FANCC: variants seen among roughly 807,000 people sequenced by gnomAD.
FANCC encodes Fanconi anemia group C protein.
Under a neutral mutation model 71.3 loss-of-function variants are expected in FANCC, and 55 were observed. The observed-to-expected ratio is 0.77, with a 90% CI of 0.62 to 0.97. The LOEUF (loss-of-function observed/expected upper bound fraction) is 0.97, where lower values mean the gene tolerates loss of function less well. Among genes scored for constraint, FANCC ranks in the 50% least tolerant of loss-of-function variants. FANCC has a pLI of 0.00. For missense variants in FANCC, 678 were observed against 670.9 expected, an observed-to-expected ratio of 1.01 and a Z score of -0.12; for synonymous variants, 275 against 244.9, an observed-to-expected ratio of 1.12 and a Z score of -1.15.
At chr9:95,266,321 G>A (rs2136194446) in intron 1 of FANCC, among the ~76,000 whole-genome samples, 1 of 152,162 alleles carries the variant, frequency 6.6e-6, no homozygotes. Context: ...AATTAATTCA[G>A]CGTGATCAAT....
chr9:95,314,855 T>C (rs967473215), intron 1 of FANCC, among the ~76,000 whole-genome samples: 1 of 152,130 alleles, frequency 6.6e-6, no homozygotes, highest in Non-Finnish European at 1.5e-5. Context: ...TCCATGTTCA[T>C]GATGAGATGG....
Position 95,126,522 on chromosome 9 carries a change from C to T in FANCC, c.896+7G>A, listed in dbSNP as rs1554833182. 2 of 1,613,458 alleles carry T rather than the reference C, an allele frequency of 1.2e-6. No homozygotes were observed. Among genetic ancestry groups the T allele is most frequent in the Non-Finnish European group, 1.7e-6 (2 of 1,179,486 alleles). ...TCAATTACTAGAAGAAACAGTGTAA[C>T]GTTTACCTGAACATCTCATCAACAA... is the stretch of plus-strand genomic sequence containing the variant. On this transcript the variant is annotated splice_region_variant and intron_variant, in intron 9 of 14. Transcript: ENST00000289081.
At chr9:95,243,469 T>C (rs1244654091) in intron 3 of FANCC, among the ~76,000 whole-genome samples, 1 of 152,122 alleles carries the variant, frequency 6.6e-6, no homozygotes, top group Admixed American at 6.5e-5. Flanking sequence ...TGATGAAAAT[T>C]GTTTGCTTTT....
intron 4 of FANCC, among the ~76,000 whole-genome samples, chr9:95,182,886 AG>A (rs1826464472): frequency 6.6e-6 from 1 of 152,066 alleles, no homozygotes. Flanking sequence ...TCGCTGGGAC[AG>A]GGGAAGGTGA....
intron 9 of FANCC, among the ~76,000 whole-genome samples, chr9:95,126,143 TCTTTAG>T (rs1825943341): frequency 6.6e-6 from 1 of 152,248 alleles, no homozygotes; most frequent in South Asian, 2.1e-4. Context: ...TTCTTGGCTT[TCTTTAG>T]CTTTAAAGTC....
chr9:95,203,378 CAAAAAA>C (rs55960295), intron 4 of FANCC, among the ~76,000 whole-genome samples: 2 of 104,672 alleles, frequency 1.9e-5, no homozygotes, highest in Non-Finnish European at 3.7e-5. Context: ...GACCCTGTCT[CAAAAAA>C]AAAAAAAAAA....
intron 4 of FANCC, among the ~76,000 whole-genome samples, chr9:95,183,938 T>C (rs911570911): frequency 6.6e-6 from 1 of 152,228 alleles, no homozygotes; most frequent in Non-Finnish European, 1.5e-5. Context: ...TCAATTATTT[T>C]TGGCCCACCA....
intron 1 of FANCC, among the ~76,000 whole-genome samples, chr9:95,254,538 C>T (rs1831542248): frequency 6.6e-6 from 1 of 152,232 alleles, no homozygotes; most frequent in South Asian, 2.1e-4. Context: ...AGGAATGGTG[C>T]ATTCCAGCAC....
intron 1 of FANCC, among the ~76,000 whole-genome samples, chr9:95,313,448 C>G (rs1341013783): frequency 1.3e-5 from 2 of 152,188 alleles, no homozygotes; most frequent in African/African-American, 4.8e-5. Flanking sequence ...AGAAGTCACA[C>G]GCATGCGTGC....
intron 13 of FANCC, 48 bp downstream of exon 13, chr9:95,111,415 G>GC (rs1436817335): frequency 1.9e-6 from 3 of 1,599,748 alleles, no homozygotes; most frequent in Non-Finnish European, 1.7e-6. Flanking sequence ...GCTCCTCTCA[G>GC]CCCCCCAGAG....
In FANCC at chr9:95,099,547, C is replaced by T. The variant is rs527422632; in HGVS notation, c.*2160G>A. The T allele has an allele frequency of 2.6e-5, 6 of 230,546 alleles. No homozygotes were observed. Among genetic ancestry groups the T allele is most frequent in the African/African-American group, 8.9e-5 (4 of 45,144 alleles). 14.3% of individuals were successfully genotyped at this position (230,546 alleles called of 1,614,324 possible). A position where few individuals can be genotyped will look rare whatever the true frequency, so the allele number is the denominator to read the frequency against. ...GTGGGCTTAAGAGTGCCTGCCCGGCCGCCACCTGTCTTGGAGGTGGAGGGA... is the reference window on the plus strand; with the variant it reads ...GTGGGCTTAAGAGTGCCTGCCCGGCTGCCACCTGTCTTGGAGGTGGAGGGA... On this transcript the variant is annotated 3_prime_UTR_variant, in exon 15 of 15. Coordinates refer to ENST00000289081, the MANE Select transcript of FANCC (RefSeq NM_000136.3).
intron 4 of FANCC, among the ~76,000 whole-genome samples, chr9:95,224,838 A>C (rs1005059617): frequency 6.6e-6 from 1 of 152,156 alleles, no homozygotes; most frequent in Non-Finnish European, 1.5e-5. Flanking sequence ...TTGTAGTTTC[A>C]GCTGAACTAC....
At chr9:95,218,514 G>GT in intron 4 of FANCC, among the ~76,000 whole-genome samples, 1 of 152,240 alleles carries the variant, frequency 6.6e-6, no homozygotes, top group Admixed American at 6.5e-5. Context: ...CAAAGACACT[G>GT]TAAGAAAACA....
chr9:95,206,532 C>T (rs1487741396), intron 4 of FANCC, among the ~76,000 whole-genome samples: 2 of 152,152 alleles, frequency 1.3e-5, no homozygotes, highest in African/African-American at 2.4e-5. Flanking sequence ...AAAAACTGGA[C>T]ACTTTTAACA....
At chr9:95,246,605 T>C (rs1249103795) in intron 3 of FANCC, among the ~76,000 whole-genome samples, 1 of 152,132 alleles carries the variant, frequency 6.6e-6, no homozygotes. Context: ...AAAACCATGG[T>C]TCCTGTTCTC....
Position 95,252,895 on chromosome 9 carries a change from A to T in FANCC, c.-78-3526T>A, listed in dbSNP as rs1253914912. On this transcript the variant is annotated intron_variant, in intron 1 of 14. Coordinates refer to ENST00000289081, the MANE Select transcript of FANCC (RefSeq NM_000136.3). ...AAGACCCCATCTCTAAAAAAAAAAA[A>T]TTTTTTTTTTTAATTAGCCATGCAT... Among the ~76,000 whole-genome samples, 37 of 148,006 alleles carry T rather than the reference A, an allele frequency of 2.5e-4. No individual in the cohort carries two copies. The South Asian group carries it at 3.7e-3, about 15-fold the overall frequency.
Position 95,099,965 on chromosome 9 carries a change from G to A in FANCC, c.*1742C>T, listed in dbSNP as rs929688949. On this transcript the variant is annotated 3_prime_UTR_variant, in exon 15 of 15. Transcript: ENST00000289081. ...AGGACAGGGTGGAGGACTGTCCCAG[G>A]AGTCCCTCCACAACAGGAGGCCTGG... 5.2e-5 allele frequency: 12 copies of A among 232,388 alleles called. No homozygotes were observed. The highest frequency in any genetic ancestry group is 1.0e-4 in the Non-Finnish European group (12 of 117,598). The allele number at this position is 232,388 out of a possible 1,614,324, so 14.4% of individuals were successfully genotyped here. A position where few individuals can be genotyped will look rare whatever the true frequency, so the allele number is the denominator to read the frequency against.
At chr9:95,166,288 T>C (rs750973215) in intron 6 of FANCC, among the ~76,000 whole-genome samples, 6 of 152,120 alleles carry the variant, frequency 3.9e-5, no homozygotes, top group African/African-American at 1.4e-4. Flanking sequence ...CTAGTAGTTA[T>C]TCTGTTCACG....
At chr9:95,241,032 G>C (rs1430531723) in intron 3 of FANCC, among the ~76,000 whole-genome samples, 1 of 152,146 alleles carries the variant, frequency 6.6e-6, no homozygotes, top group Admixed American at 6.5e-5. Flanking sequence ...TAACTCTTGT[G>C]TGGTCAATTT....
Sources: gnomAD v4.1 joint callset for allele counts (sites outside exome capture counted in the v4.1 genomes callset) on GRCh38, gnomAD v4.1.1 for gene constraint, MANE v1.5 for transcripts, NCBI Gene and HGNC (gene_info 2026-07-23, HGNC 2026-07-21) for gene names.